DPF3: variants seen among roughly 807,000 people sequenced by gnomAD.
DPF3 encodes double PHD fingers 3, also known as zinc finger protein DPF3.
A neutral mutation model predicts 56.8 loss-of-function variants in DPF3; 18 were observed. That is an observed-to-expected ratio of 0.32 (90% confidence interval 0.22 to 0.47). The LOEUF is 0.47. Among genes scored for constraint, DPF3 ranks in the 20% least tolerant of loss-of-function variants. DPF3 has a pLI of 1.00. For synonymous variants in DPF3, 188 were observed against 180.2 expected (o/e 1.04, Z -0.35); for missense variants, 403 against 488.8 (o/e 0.82, Z 1.65).
chr14:72,837,338 T>C (rs546726861), intron 1 of DPF3, among the ~76,000 whole-genome samples: 1 of 152,306 alleles, frequency 6.6e-6, no homozygotes, highest in East Asian at 1.9e-4. Context: ...CAGCCATGGA[T>C]CTATAGGGAG....
chr14:72,740,984 C>T (rs1406635790), intron 3 of DPF3, among the ~76,000 whole-genome samples: 4 of 152,010 alleles, frequency 2.6e-5, no homozygotes, highest in African/African-American at 9.7e-5. Flanking sequence ...GGAGGAGGAT[C>T]ACGTGAACAC....
At chr14:72,664,346 A>G (rs1358691190) in intron 8 of DPF3, among the ~76,000 whole-genome samples, 1 of 151,818 alleles carries the variant, frequency 6.6e-6, no homozygotes, top group African/African-American at 2.4e-5. Context: ...ACACACACAC[A>G]CATGTATTTT....
At chr14:72,701,212 C>G (rs1389619474) in intron 6 of DPF3, among the ~76,000 whole-genome samples, 1 of 152,202 alleles carries the variant, frequency 6.6e-6, no homozygotes, top group Non-Finnish European at 1.5e-5. Context: ...GCCACCACCC[C>G]TGGGACCAGT....
intron 1 of DPF3, among the ~76,000 whole-genome samples, chr14:72,846,494 C>T (rs1326448410): frequency 1.3e-5 from 2 of 152,004 alleles, no homozygotes; most frequent in African/African-American, 4.8e-5. Flanking sequence ...CGCCACCACG[C>T]CCGGCTAATT....
intron 7 of DPF3, among the ~76,000 whole-genome samples, chr14:72,684,962 T>C (rs1452308922): frequency 6.6e-6 from 1 of 152,192 alleles, no homozygotes; most frequent in African/African-American, 2.4e-5. Flanking sequence ...AGAAAGGCCA[T>C]GTGAGGACAC....
rs1328040153 is a variant in DPF3, at chr14:72,674,322, G to A, written c.789C>T (p.Asp263=). Reference sequence around the variant, plus strand: ...TCATGTTGGAGCCCCCCAAGCAGAAGTCACAGTAGTTATTGGGAATGACTG... The same window carrying A: ...TCATGTTGGAGCCCCCCAAGCAGAAATCACAGTAGTTATTGGGAATGACTG... ...DGTVIPNNYC[D]FCLGGSNMNK... Residue 263 remains aspartate, a synonymous_variant, in exon 8 of 11, where the codon GAC becomes GAT. Coordinates refer to ENST00000556509, the MANE Select transcript of DPF3 (RefSeq NM_001280542.3). 1 of 1,612,678 alleles carries A rather than the reference G, an allele frequency of 6.2e-7. No individual in the cohort carries two copies.
intron 1 of DPF3, among the ~76,000 whole-genome samples, chr14:72,837,766 A>G (rs1173639175): frequency 6.6e-6 from 1 of 152,114 alleles, no homozygotes; most frequent in East Asian, 1.9e-4. Flanking sequence ...AAGAAAGAAA[A>G]AAAAGATCAC....
chr14:72,840,915 G>C (rs1884519216), intron 1 of DPF3, among the ~76,000 whole-genome samples: 1 of 152,068 alleles, frequency 6.6e-6, no homozygotes, highest in Admixed American at 6.6e-5. Context: ...ATTCTCCTTA[G>C]AAGAGAGACC....
chr14:72,879,705 C>T (rs749941031), intron 1 of DPF3: 1 of 1,402,548 alleles, frequency 7.1e-7, no homozygotes, highest in Non-Finnish European at 9.4e-7. Flanking sequence ...GCTCAGACAC[C>T]AGGGGAATGT....
chr14:72,791,655 T>C (rs141029879), intron 1 of DPF3, among the ~76,000 whole-genome samples: 4 of 152,332 alleles, frequency 2.6e-5, no homozygotes, highest in African/African-American at 9.6e-5. Context: ...CACAATATCA[T>C]TTGTTGAGCA....
chr14:72,736,927 T>C (rs1437601741), intron 3 of DPF3, among the ~76,000 whole-genome samples: 1 of 151,912 alleles, frequency 6.6e-6, no homozygotes, highest in Admixed American at 6.6e-5. Flanking sequence ...TATAAACCCA[T>C]GGATCGTTAC....
At chr14:72,773,052 G>A (rs1190493812) in intron 1 of DPF3, among the ~76,000 whole-genome samples, 1 of 151,802 alleles carries the variant, frequency 6.6e-6, no homozygotes, top group African/African-American at 2.4e-5. Flanking sequence ...AAATGAGAGG[G>A]GAAGTCTCTA....
At chr14:72,810,509 A>G (rs966879838) in intron 1 of DPF3, among the ~76,000 whole-genome samples, 2 of 152,100 alleles carry the variant, frequency 1.3e-5, no homozygotes, top group African/African-American at 4.8e-5. Flanking sequence ...AAAGAGGGGC[A>G]TGAAAAAGAA....
intron 1 of DPF3, among the ~76,000 whole-genome samples, chr14:72,891,312 G>C (rs1434225612): frequency 2.1e-5 from 1 of 47,180 alleles, no homozygotes; most frequent in South Asian, 1.1e-3. Flanking sequence ...CGTGGTGTTG[G>C]CTTTTTTTTT....
chr14:72,844,636 AC>A (rs1884678012), intron 1 of DPF3, among the ~76,000 whole-genome samples: 1 of 152,224 alleles, frequency 6.6e-6, no homozygotes, highest in Admixed American at 6.5e-5. Context: ...GCACAAACAC[AC>A]ATACAAAGTC....
intron 1 of DPF3, among the ~76,000 whole-genome samples, chr14:72,888,365 C>T (rs1046185996): frequency 1.3e-5 from 2 of 152,158 alleles, no homozygotes; most frequent in African/African-American, 4.8e-5. Context: ...CTTCAAAAAC[C>T]TTCCCTCAGT....
At chr14:72,892,118 G>A (rs992589980) in intron 1 of DPF3, 5 of 1,523,990 alleles carry the variant, frequency 3.3e-6, no homozygotes, top group African/African-American at 1.4e-5. Flanking sequence ...CGGGTAACTA[G>A]GGTACGGCTT....
rs76144191 is a variant in DPF3, at chr14:72,754,051, C to T, written c.194-680G>A. Among the ~76,000 whole-genome samples, 5 of 152,090 alleles carry T rather than the reference C, an allele frequency of 3.3e-5. No individual in the cohort carries two copies. In the East Asian group the frequency reaches 5.8e-4, roughly 18 times the overall value. On this transcript the variant is annotated intron_variant, in intron 2 of 10. Transcript: ENST00000556509. ...GGCAGGAGGCCAGGGGCTGGGCTTA[C>T]GTGCCACCCTGTGTGTGTGGCCTTT...
At chr14:72,843,466 ACT>A (rs1160867600) in intron 1 of DPF3, among the ~76,000 whole-genome samples, 1 of 152,228 alleles carries the variant, frequency 6.6e-6, no homozygotes, top group Non-Finnish European at 1.5e-5. Context: ...GAAAAGATTC[ACT>A]GTGAGGCTCT....
Sources: gnomAD v4.1 joint callset for allele counts (sites outside exome capture counted in the v4.1 genomes callset) on GRCh38, gnomAD v4.1.1 for gene constraint, MANE v1.5 for transcripts, NCBI Gene and HGNC (gene_info 2026-07-23, HGNC 2026-07-21) for gene names.